ADAMTS2: variants seen among roughly 807,000 people sequenced by gnomAD.
ADAMTS2 encodes the protein ADAM metallopeptidase with thrombospondin type 1 motif 2, also known as A disintegrin and metalloproteinase with thrombospondin motifs 2.
A neutral mutation model predicts 123.0 loss-of-function variants in ADAMTS2; 50 were observed. The ratio of observed to expected loss-of-function variants is 0.41; its 90% CI spans 0.32 to 0.51. The LOEUF (loss-of-function observed/expected upper bound fraction) is 0.51. ADAMTS2 is among the 20% of genes least tolerant of loss of function. The pLI is 0.35. For missense variants in ADAMTS2, 1,494 were observed against 1,705.2 expected (o/e 0.88, Z 2.18); for synonymous variants, 678 against 695.4 (o/e 0.98, Z 0.39).
intron 3 of ADAMTS2, among the ~76,000 whole-genome samples, chr5:179,267,730 G>T (rs1197412791): frequency 1.3e-5 from 2 of 152,224 alleles, no homozygotes; most frequent in African/African-American, 4.8e-5. Context: ...AGGCATGACA[G>T]CTCCCACTGG....
chr5:179,175,321 ACCG>A lies in ADAMTS2; in HGVS notation c.975+5748_975+5750del, dbSNP rs1484271689. On this transcript the variant is annotated intron_variant, in intron 5 of 21. Transcript: ENST00000251582. This position sits in a 1 kb window ranked among gnomAD's most constrained non-coding sequence, Gnocchi z 4.1. ...TCCGCAGCTGTCTCAGCCATTCTTG[ACCG>A]TTCGTGTTCCTAGATGGTGCTTAGA... 6.6e-6 allele frequency among the ~76,000 whole-genome samples: 1 copy of A among 152,142 alleles called. No individual in the cohort carries two copies. Among genetic ancestry groups the A allele is most frequent in the Non-Finnish European group, 1.5e-5 (1 of 68,028 alleles).
intron 10 of ADAMTS2, among the ~76,000 whole-genome samples, chr5:179,146,525 G>T (rs918105404): frequency 2.6e-5 from 4 of 152,198 alleles, no homozygotes; most frequent in African/African-American, 4.8e-5. Flanking sequence ...GCTCCCTGGC[G>T]TCTTTGATGT....
In ADAMTS2 at chr5:179,117,762, T is replaced by C. The variant is rs531269555; in HGVS notation, c.3179-3438A>G. 8.8e-4 allele frequency among the ~76,000 whole-genome samples: 134 copies of C among 152,240 alleles called. No homozygotes were observed. Among genetic ancestry groups the C allele is most frequent in the Non-Finnish European group, 1.2e-3 (81 of 68,020 alleles). The stretch of plus-strand genomic sequence containing the variant: ...TATGTTGGTCAGGCTGGTCTTGAAC[T>C]CCTGACCTTGTGATCCATCCACCTC... On this transcript the variant is annotated intron_variant, in intron 21 of 21. Coordinates refer to ENST00000251582, the MANE Select transcript of ADAMTS2 (RefSeq NM_014244.5). This position sits in a 1 kb window ranked among gnomAD's most constrained non-coding sequence, Gnocchi z 4.2.
chr5:179,213,151 G>A (rs1343023743), intron 3 of ADAMTS2, among the ~76,000 whole-genome samples: 1 of 152,130 alleles, frequency 6.6e-6, no homozygotes, highest in East Asian at 1.9e-4. Flanking sequence ...TGACACGGCC[G>A]ACTGCTGTCC....
chr5:179,183,757 C>G (rs1482758120), intron 4 of ADAMTS2, among the ~76,000 whole-genome samples: 1 of 152,228 alleles, frequency 6.6e-6, no homozygotes, highest in African/African-American at 2.4e-5. Context: ...GCTTGCAAGG[C>G]TACTGCAGAG....
chr5:179,265,788 G>A (rs529880452), intron 3 of ADAMTS2, among the ~76,000 whole-genome samples: 3 of 152,370 alleles, frequency 2.0e-5, no homozygotes, highest in Admixed American at 1.3e-4. Context: ...GGAGCGCCGC[G>A]GCGTCTGCCA....
chr5:179,129,804 A>AAGGC lies in ADAMTS2; in HGVS notation c.2457+124_2457+127dup. ...ACCAAGTCGGAGCCCCTTGGTGCCAAAGGCAGGCCAAAGGGGCCACGCAGA... is the reference window on the plus strand; with the variant it reads ...ACCAAGTCGGAGCCCCTTGGTGCCAAAGGCAGGCAGGCCAAAGGGGCCACGCAGA... On this transcript the variant is annotated intron_variant, in intron 16 of 21. Transcript: ENST00000251582. This position sits in a 1 kb window ranked among gnomAD's most constrained non-coding sequence, Gnocchi z 4.1. The AAGGC allele has an allele frequency of 7.7e-7, 1 of 1,300,522 alleles. No individual in the cohort carries two copies. The highest frequency in any genetic ancestry group is 1.1e-6 in the Non-Finnish European group (1 of 942,364). 80.6% of individuals were successfully genotyped at this position (1,300,522 alleles called of 1,614,324 possible).
At chr5:179,243,181 C>T (rs566882688) in intron 3 of ADAMTS2, among the ~76,000 whole-genome samples, 1 of 151,652 alleles carries the variant, frequency 6.6e-6, no homozygotes, top group African/African-American at 2.4e-5. Context: ...GAGAACAGAT[C>T]GTTATGAGGA....
intron 2 of ADAMTS2, among the ~76,000 whole-genome samples, chr5:179,289,675 C>A (rs754161694): frequency 2.6e-5 from 4 of 152,172 alleles, no homozygotes; most frequent in Non-Finnish European, 4.4e-5. Flanking sequence ...CTAGAGCTCC[C>A]GGGGCATCCA....
intron 19 of ADAMTS2, 119 bp downstream of exon 19, chr5:179,124,854 G>T (rs1212237165): frequency 1.9e-6 from 3 of 1,598,154 alleles, no homozygotes; most frequent in Non-Finnish European, 2.6e-6. Flanking sequence ...GCAGTGCTTG[G>T]CATGCACGGA....
At chr5:179,247,517 C>A (rs1320957469) in intron 3 of ADAMTS2, among the ~76,000 whole-genome samples, 1 of 152,198 alleles carries the variant, frequency 6.6e-6, no homozygotes, top group Non-Finnish European at 1.5e-5. Context: ...TGATTCTACA[C>A]ATCCAAGGAG....
intron 3 of ADAMTS2, among the ~76,000 whole-genome samples, chr5:179,230,544 A>C (rs1357020266): frequency 1.3e-5 from 2 of 152,162 alleles, no homozygotes; most frequent in Non-Finnish European, 2.9e-5. Context: ...AGACTTGGGG[A>C]TACTTGGGTC....
chr5:179,271,773 C>T (rs746002120), intron 3 of ADAMTS2, among the ~76,000 whole-genome samples: 1 of 152,160 alleles, frequency 6.6e-6, no homozygotes, highest in Non-Finnish European at 1.5e-5. Flanking sequence ...TATCTGATGC[C>T]GTTTCATGAA....
At chr5:179,319,255 CCACACATGTG>C (rs1757089555) in intron 2 of ADAMTS2, among the ~76,000 whole-genome samples, 1 of 152,194 alleles carries the variant, frequency 6.6e-6, no homozygotes, top group South Asian at 2.1e-4. Flanking sequence ...ATACACATGT[CCACACATGTG>C]CACTACACAC....
intron 3 of ADAMTS2, among the ~76,000 whole-genome samples, chr5:179,231,665 G>A (rs1765414518): frequency 6.6e-6 from 1 of 152,108 alleles, no homozygotes. Context: ...CATATAACAA[G>A]TCGTTCCCTG....
intron 3 of ADAMTS2, among the ~76,000 whole-genome samples, chr5:179,267,005 C>G (rs911383610): frequency 6.6e-6 from 1 of 152,186 alleles, no homozygotes; most frequent in Non-Finnish European, 1.5e-5. Flanking sequence ...GGGCGCCATC[C>G]CCACCTTGGG....
At chr5:179,243,829 A>C (rs1223987027) in intron 3 of ADAMTS2, among the ~76,000 whole-genome samples, 1 of 152,238 alleles carries the variant, frequency 6.6e-6, no homozygotes, top group Admixed American at 6.5e-5. Context: ...TCAAATAAAG[A>C]CTATCAATAA....
At chr5:179,166,388 C>T (rs1561786410) in intron 5 of ADAMTS2, among the ~76,000 whole-genome samples, 2 of 152,300 alleles carry the variant, frequency 1.3e-5, no homozygotes, top group Admixed American at 1.3e-4. Flanking sequence ...GATCTGAGGG[C>T]CTTAGGGAGG....
Position 179,337,386 on chromosome 5 carries a change from C to T in ADAMTS2, c.534+6381G>A, listed in dbSNP as rs116232416. On this transcript the variant is annotated intron_variant, in intron 2 of 21. Coordinates refer to ENST00000251582, the MANE Select transcript of ADAMTS2 (RefSeq NM_014244.5). Reference sequence around the variant, plus strand: ...ATGCAGACACACTCATGTGCACACACGTGTACACACTCATTCAGACGTGCA... The same window carrying T: ...ATGCAGACACACTCATGTGCACACATGTGTACACACTCATTCAGACGTGCA... Among the ~76,000 whole-genome samples the T allele has an allele frequency of 9.6e-3, 1,466 of 152,294 alleles. 24 individuals are homozygous for T. The highest frequency in any genetic ancestry group is 0.033 in the African/African-American group (1,391 of 41,560).
Sources: allele counts gnomAD v4.1 joint callset (sites outside exome capture counted in the v4.1 genomes callset), GRCh38; gene constraint gnomAD v4.1.1; non-coding constraint Gnocchi (gnomAD v3.1); transcripts MANE v1.5; gene names NCBI Gene and HGNC (gene_info 2026-07-23, HGNC 2026-07-21).